The following PCDHGA6 variants were observed in gnomAD, a reference collection of about 807,000 sequenced individuals.
PCDHGA6 encodes protocadherin gamma-A6.
PCDHGA6 carries 41 observed loss-of-function variants against 60.6 expected under a neutral mutation model. The ratio of observed to expected loss-of-function variants is 0.68; its 90% CI spans 0.53 to 0.88. The LOEUF is 0.88. Among genes scored for constraint, PCDHGA6 ranks in the 40% least tolerant of loss-of-function variants. The probability of loss-of-function intolerance (pLI) is 0.00; values close to 1 mark genes in which losing one functional copy is unlikely to be tolerated. For synonymous variants in PCDHGA6, 594 were observed against 524.4 expected (o/e 1.13, Z -1.81); for missense variants, 1,312 against 1,203.0 (o/e 1.09, Z -1.34).
chr5:141,471,254 T>A (rs1043647138), intron 1 of PCDHGA6: 1 of 151,828 alleles, frequency 6.6e-6, no homozygotes, highest in African/African-American at 2.4e-5. Flanking sequence ...TTTCACCATG[T>A]TGGCAAGGCT....
chr5:141,464,572 A>G (rs912710973), intron 1 of PCDHGA6, among the ~76,000 whole-genome samples: 5 of 152,148 alleles, frequency 3.3e-5, no homozygotes, highest in African/African-American at 1.2e-4. Flanking sequence ...CTACAAATAG[A>G]TGAGAATGTC....
chr5:141,421,532 C>T lies in PCDHGA6; in HGVS notation c.2424+45025C>T, dbSNP rs557991200. On this transcript the variant is annotated intron_variant, in intron 1 of 3. Transcript: ENST00000517434. ...GAGGAGCTCTGTGAGACGGTGTCCT[C>T]CTGTTTTTTAAATATGGAACTTCTC... The T allele has an allele frequency of 1.4e-5, 23 of 1,613,996 alleles. No individual in the cohort carries two copies. In the African/African-American group the frequency reaches 2.4e-4, roughly 17 times the overall value.
At position 141,413,315 on chromosome 5, in the gene PCDHGA6, C is replaced by G. The variant is rs747758921; in HGVS notation, c.2424+36808C>G. The stretch of plus-strand genomic sequence containing the variant: ...ATTCCTGAGGAATTAGAGAAAGGCT[C>G]TTTCGTGGGCAACATCTCCAAGGAC... On this transcript the variant is annotated intron_variant, in intron 1 of 3. Transcript: ENST00000517434. 6 of 1,613,976 alleles carry G rather than the reference C, an allele frequency of 3.7e-6. No individual in the cohort carries two copies. The South Asian group carries it at 5.5e-5, about 15-fold the overall frequency.
chr5:141,494,076 G>A (rs538740530), intron 1 of PCDHGA6, among the ~76,000 whole-genome samples: 24 of 152,234 alleles, frequency 1.6e-4, no homozygotes, highest in African/African-American at 4.3e-4. Flanking sequence ...ATCCCTCCCC[G>A]CTGCATCCCT....
At chr5:141,461,225 T>C (rs1157429654) in intron 1 of PCDHGA6, among the ~76,000 whole-genome samples, 3 of 152,162 alleles carry the variant, frequency 2.0e-5, no homozygotes, top group African/African-American at 7.2e-5. Flanking sequence ...CTGTTTTCCA[T>C]AGAGGTTGTA....
At chr5:141,411,631 C>G (rs570915798) in intron 1 of PCDHGA6, 1 of 151,812 alleles carries the variant, frequency 6.6e-6, no homozygotes, top group South Asian at 2.1e-4. Context: ...TGCTGTAATC[C>G]CAGCACTTTG....
At chr5:141,410,787 T>C in intron 1 of PCDHGA6, 2 of 844,672 alleles carry the variant, frequency 2.4e-6, no homozygotes, top group South Asian at 4.4e-5. Flanking sequence ...TGTATTTGGT[T>C]CATAAGTTGC....
At chr5:141,400,112 A>G in intron 1 of PCDHGA6, 1 of 1,614,034 alleles carries the variant, frequency 6.2e-7, no homozygotes. Context: ...GTCTTTGCTG[A>G]CAGCTTGCAG....
chr5:141,431,901 A>G lies in PCDHGA6; in HGVS notation c.2424+55394A>G, dbSNP rs1373642371. 5.0e-6 allele frequency: 8 copies of G among 1,613,872 alleles called. No homozygotes were observed. The highest frequency in any genetic ancestry group is 1.6e-4 in the Middle Eastern group (1 of 6,062). On this transcript the variant is annotated intron_variant, in intron 1 of 3. Coordinates refer to ENST00000517434, the MANE Select transcript of PCDHGA6 (RefSeq NM_018919.3). This position sits in a 1 kb window ranked among gnomAD's most constrained non-coding sequence, Gnocchi z 4.8. Reference sequence around the variant, plus strand: ...GACCAAGATTCTGAGGAAAACGGACAGGTGATCTGTTTCATCCAAGGAAAT... The same window carrying G: ...GACCAAGATTCTGAGGAAAACGGACGGGTGATCTGTTTCATCCAAGGAAAT...
At chr5:141,473,369 G>T (rs888984972) in intron 1 of PCDHGA6, among the ~76,000 whole-genome samples, 1 of 152,200 alleles carries the variant, frequency 6.6e-6, no homozygotes, top group Non-Finnish European at 1.5e-5. Flanking sequence ...CACCAAAATA[G>T]CATGGTCCCT....
intron 1 of PCDHGA6, among the ~76,000 whole-genome samples, chr5:141,448,917 C>T (rs913804081): frequency 2.6e-5 from 4 of 152,130 alleles, no homozygotes; most frequent in African/African-American, 9.7e-5. Context: ...TGCACTCCAG[C>T]CTGGGCGACA....
At chr5:141,385,259 A>G (rs1202101252) in intron 1 of PCDHGA6, 2 of 1,613,774 alleles carry the variant, frequency 1.2e-6, no homozygotes, top group Middle Eastern at 1.6e-4. Context: ...AGCTGTGAGA[A>G]AAATGATTCT....
chr5:141,399,314 A>G, intron 1 of PCDHGA6: 1 of 1,613,988 alleles, frequency 6.2e-7, no homozygotes, highest in African/African-American at 1.3e-5. Flanking sequence ...TCATCCAAAA[A>G]TTCGTATAAG....
chr5:141,489,397 G>T lies in PCDHGA6; in HGVS notation c.2425-5410G>T. ...GGTGGGGAATGTTGCTCAGGATCTG[G>T]GCTTAAAGATGACAGATCTGTTGAG... On this transcript the variant is annotated intron_variant, in intron 1 of 3. Coordinates refer to ENST00000517434, the MANE Select transcript of PCDHGA6 (RefSeq NM_018919.3). The surrounding 1 kb of genome is among the most constrained non-coding windows in gnomAD (Gnocchi z 4.5). 2 of 1,614,176 alleles carry T rather than the reference G, an allele frequency of 1.2e-6. No individual in the cohort carries two copies. Among genetic ancestry groups the T allele is most frequent in the Non-Finnish European group, 1.7e-6 (2 of 1,180,038 alleles).
intron 1 of PCDHGA6, chr5:141,484,853 G>T (rs747582810): frequency 2.5e-4 from 64 of 251,466 alleles, no homozygotes; most frequent in Non-Finnish European, 4.3e-4. Flanking sequence ...GGGTTTTTTG[G>T]GGGGTGGGGG....
Position 141,432,082 on chromosome 5 carries a change from C to G in PCDHGA6, c.2424+55575C>G. The G allele has an allele frequency of 1.2e-6, 2 of 1,614,184 alleles. No individual in the cohort carries two copies. The highest frequency in any genetic ancestry group is 1.7e-6 in the Non-Finnish European group (2 of 1,180,028). On this transcript the variant is annotated intron_variant, in intron 1 of 3. Coordinates refer to ENST00000517434, the MANE Select transcript of PCDHGA6 (RefSeq NM_018919.3). This position sits in a 1 kb window ranked among gnomAD's most constrained non-coding sequence, Gnocchi z 6.0. Reference sequence around the variant, plus strand: ...CCACGGAAACTCATATCTCGCTGAACGTGGCAGACACCAACGACAACCCGC... The same window carrying G: ...CCACGGAAACTCATATCTCGCTGAAGGTGGCAGACACCAACGACAACCCGC...
At chr5:141,413,432 G>A (rs1193674962) in intron 1 of PCDHGA6, 1 of 1,613,992 alleles carries the variant, frequency 6.2e-7, no homozygotes, top group African/African-American at 1.3e-5. Flanking sequence ...CCGCGCAGCG[G>A]CAGCTTGATC....
intron 1 of PCDHGA6, among the ~76,000 whole-genome samples, chr5:141,472,243 T>A (rs1276064128): frequency 6.6e-6 from 1 of 152,190 alleles, no homozygotes; most frequent in East Asian, 1.9e-4. Context: ...TCACTTTCTA[T>A]TTTAAAGTTA....
At chr5:141,409,378 C>G (rs780715519) in intron 1 of PCDHGA6, 3 of 1,613,996 alleles carry the variant, frequency 1.9e-6, no homozygotes, top group Non-Finnish European at 2.5e-6. Context: ...ACATTCCATT[C>G]AAGATTTATT....
Sources: allele counts gnomAD v4.1 joint callset (sites outside exome capture counted in the v4.1 genomes callset), GRCh38; gene constraint gnomAD v4.1.1; non-coding constraint Gnocchi (gnomAD v3.1); transcripts MANE v1.5; gene names NCBI Gene and HGNC (gene_info 2026-07-23, HGNC 2026-07-21).